The following ATG5 variants were observed in gnomAD, a reference collection of about 807,000 sequenced individuals.
The protein encoded by ATG5 is autophagy related 5.
In ATG5, 14 loss-of-function variants were observed where a neutral mutation model predicts 36.5. The ratio of observed to expected loss-of-function variants is 0.38; its 90% CI spans 0.25 to 0.60. The LOEUF is 0.60. Ranked by LOEUF, ATG5 falls within the 20% of genes least tolerant of loss-of-function variation. The pLI is 0.60. For synonymous variants in ATG5, 95 were observed against 101.5 expected (o/e 0.94, Z 0.38); for missense variants, 195 against 326.7 (o/e 0.60, Z 3.11).
At chr6:106,231,156 A>C (rs563630752) in intron 6 of ATG5, among the ~76,000 whole-genome samples, 1 of 152,344 alleles carries the variant, frequency 6.6e-6, no homozygotes. Context: ...GCCAGAGTGC[A>C]CGTACCTTTT....
intron 1 of ATG5, among the ~76,000 whole-genome samples, chr6:106,319,856 T>C (rs1770997815): frequency 6.6e-6 from 1 of 152,252 alleles, no homozygotes; most frequent in Non-Finnish European, 1.5e-5. Context: ...AATTTGAATT[T>C]GTTGGAAAGA....
At chr6:106,309,099 A>G (rs1644587263) in intron 2 of ATG5, among the ~76,000 whole-genome samples, 2 of 152,198 alleles carry the variant, frequency 1.3e-5, no homozygotes, top group Admixed American at 1.3e-4. Context: ...ACAAGTAGAT[A>G]AAAGAAGGAG....
At chr6:106,190,423 A>G (rs1314039999) in intron 7 of ATG5, among the ~76,000 whole-genome samples, 2 of 152,104 alleles carry the variant, frequency 1.3e-5, no homozygotes, top group Non-Finnish European at 2.9e-5. Flanking sequence ...ACCTCCCAAC[A>G]CTGCTGCATT....
chr6:106,243,697 G>C (rs892655670), intron 6 of ATG5, among the ~76,000 whole-genome samples: 5 of 152,040 alleles, frequency 3.3e-5, no homozygotes, highest in Non-Finnish European at 7.4e-5. Flanking sequence ...CAGGCATGGT[G>C]GTGGGCAATT....
At chr6:106,321,832 C>G (rs1220490241) in intron 1 of ATG5, among the ~76,000 whole-genome samples, 1 of 152,128 alleles carries the variant, frequency 6.6e-6, no homozygotes, top group East Asian at 1.9e-4. Flanking sequence ...TCTTTGACAG[C>G]AAAATTTAGT....
At chr6:106,197,004 C>T (rs2114336312) in intron 7 of ATG5, among the ~76,000 whole-genome samples, 1 of 152,250 alleles carries the variant, frequency 6.6e-6, no homozygotes, top group East Asian at 1.9e-4. Context: ...AGGGAGACCC[C>T]CCACTTATAT....
intron 6 of ATG5, among the ~76,000 whole-genome samples, chr6:106,245,487 G>C (rs996849364): frequency 6.6e-6 from 1 of 151,984 alleles, no homozygotes; most frequent in Non-Finnish European, 1.5e-5. Flanking sequence ...TTTTTCATTT[G>C]TTCACTGAGG....
At chr6:106,317,629 T>C (rs1770902117) in intron 1 of ATG5, among the ~76,000 whole-genome samples, 1 of 152,188 alleles carries the variant, frequency 6.6e-6, no homozygotes, top group African/African-American at 2.4e-5. Context: ...TAACTTTTAT[T>C]AAAATATATC....
intron 6 of ATG5, among the ~76,000 whole-genome samples, chr6:106,246,650 T>C (rs962661006): frequency 5.6e-4 from 85 of 152,214 alleles, no homozygotes; most frequent in Non-Finnish European, 1.3e-4. Flanking sequence ...GAATCTCTTG[T>C]ATAAATATAT....
chr6:106,316,058 G>T (rs776216313), intron 2 of ATG5, 43 bp downstream of exon 2: 4 of 1,481,052 alleles, frequency 2.7e-6, no homozygotes, highest in Non-Finnish European at 3.7e-6. Flanking sequence ...TTACAAAAAT[G>T]GACAAGGTTA....
chr6:106,276,231 G>A (rs560775577), intron 5 of ATG5, among the ~76,000 whole-genome samples: 58 of 152,220 alleles, frequency 3.8e-4, no homozygotes, highest in African/African-American at 1.3e-3. Flanking sequence ...TTGGGAGGCC[G>A]AGGCGGGTGG....
Position 106,193,712 on chromosome 6 carries a change from T to C in ATG5, c.692-7036A>G, listed in dbSNP as rs114761553. 2.3e-3 allele frequency among the ~76,000 whole-genome samples: 353 copies of C among 152,294 alleles called. 1 individual carries two copies. Among genetic ancestry groups the C allele is most frequent in the African/African-American group, 8.1e-3 (337 of 41,564 alleles). ...TCATAAAATGACCCAGTAATTCTAG[T>C]TGGGTGTAATAGGGTCCATTAATAT... On this transcript the variant is annotated intron_variant, in intron 7 of 7. Coordinates refer to ENST00000369076, the MANE Select transcript of ATG5 (RefSeq NM_004849.4).
intron 6 of ATG5, 92 bp downstream of exon 6, chr6:106,248,058 A>C (rs1778417489): frequency 1.0e-6 from 1 of 953,946 alleles, no homozygotes; most frequent in Non-Finnish European, 1.6e-6. Flanking sequence ...CCGTTTAGTT[A>C]CTATGCAGAC....
intron 3 of ATG5, among the ~76,000 whole-genome samples, chr6:106,300,611 G>A (rs909026568): frequency 3.3e-5 from 5 of 152,018 alleles, no homozygotes; most frequent in Admixed American, 2.0e-4. Flanking sequence ...AGCCTACTAC[G>A]TACCTAGGCT....
chr6:106,249,264 C>G (rs1778469395), intron 5 of ATG5, among the ~76,000 whole-genome samples: 1 of 152,160 alleles, frequency 6.6e-6, no homozygotes, highest in Admixed American at 6.5e-5. Context: ...TCCCACTCCC[C>G]CTTGCCCCAG....
In ATG5 at chr6:106,185,154, T is replaced by A. The variant is rs1426995414; in HGVS notation, c.*1386A>T. 1 of 152,622 alleles carries A rather than the reference T, an allele frequency of 6.6e-6. No homozygotes were observed. The highest frequency in any genetic ancestry group is 2.4e-5 in the African/African-American group (1 of 41,408). 9.5% of individuals were successfully genotyped at this position (152,622 alleles called of 1,614,324 possible). A position where few individuals can be genotyped will look rare whatever the true frequency, so the allele number is the denominator to read the frequency against. ...CTTTGACCAACTTTATCTAATTTTG[T>A]GAAGAAATGTGCTATTAATCAGTGA... On this transcript the variant is annotated 3_prime_UTR_variant, in exon 8 of 8. Coordinates refer to ENST00000369076, the MANE Select transcript of ATG5 (RefSeq NM_004849.4).
At chr6:106,215,041 C>G (rs1383960476) in intron 6 of ATG5, among the ~76,000 whole-genome samples, 1 of 152,106 alleles carries the variant, frequency 6.6e-6, no homozygotes. Flanking sequence ...CTACCCAAAG[C>G]CACACTAAAA....
chr6:106,307,751 G>A (rs1258296042), intron 3 of ATG5, among the ~76,000 whole-genome samples: 1 of 152,024 alleles, frequency 6.6e-6, no homozygotes, highest in Non-Finnish European at 1.5e-5. Flanking sequence ...GGTCAGGCTG[G>A]TCTCGAACTC....
chr6:106,203,904 TAG>T (rs1369245325), intron 6 of ATG5, among the ~76,000 whole-genome samples: 2 of 152,182 alleles, frequency 1.3e-5, no homozygotes, highest in Non-Finnish European at 2.9e-5. Flanking sequence ...ACACAACTGT[TAG>T]AGATTTGGTT....
Sources: allele counts gnomAD v4.1 joint callset (sites outside exome capture counted in the v4.1 genomes callset), GRCh38; gene constraint gnomAD v4.1.1; transcripts MANE v1.5; gene names NCBI Gene and HGNC (gene_info 2026-07-23, HGNC 2026-07-21).